Variants in NF1 observed in about 807,000 individuals in gnomAD.
NF1 encodes neurofibromin 1.
NF1 carries 122 observed loss-of-function variants against 325.7 expected under a neutral mutation model. The ratio of observed to expected loss-of-function variants is 0.37; its 90% CI spans 0.32 to 0.44. The LOEUF (loss-of-function observed/expected upper bound fraction) is 0.44. NF1 is among the 20% of genes least tolerant of loss of function. The probability of loss-of-function intolerance (pLI) is 1.00; values close to 1 mark genes in which losing one functional copy is unlikely to be tolerated. For synonymous variants in NF1, 1,091 were observed against 1,186.0 expected, an observed-to-expected ratio of 0.92 and a Z score of 1.65; for missense variants, 2,140 against 3,415.4, an observed-to-expected ratio of 0.63 and a Z score of 9.31.
intron 36 of NF1, among the ~76,000 whole-genome samples, chr17:31,313,719 A>AAT (rs1170447460): frequency 1.9e-5 from 2 of 103,244 alleles, no homozygotes; most frequent in African/African-American, 3.9e-5. Context: ...AAAAAAAAAA[A>AAT]ATATGTGTGT....
chr17:31,244,679 G>A (rs2067360485), intron 29 of NF1, among the ~76,000 whole-genome samples: 1 of 152,188 alleles, frequency 6.6e-6, no homozygotes, highest in Non-Finnish European at 1.5e-5. Context: ...CGGGGCCACT[G>A]CCAGGAGGTG....
chr17:31,205,349 T>C (rs1175684694), intron 11 of NF1, among the ~76,000 whole-genome samples: 2 of 152,096 alleles, frequency 1.3e-5, no homozygotes, highest in African/African-American at 4.8e-5. Flanking sequence ...ACATCTGGAG[T>C]ATTATAAATT....
intron 36 of NF1, among the ~76,000 whole-genome samples, chr17:31,290,093 G>A (rs1020206556): frequency 6.6e-5 from 10 of 151,750 alleles, no homozygotes; most frequent in Middle Eastern, 6.8e-3. Flanking sequence ...TTTCTCATCC[G>A]TTTTATGAGC....
intron 36 of NF1, among the ~76,000 whole-genome samples, chr17:31,302,539 G>A (rs1027166958): frequency 1.4e-4 from 22 of 152,084 alleles, no homozygotes; most frequent in African/African-American, 5.3e-4. Context: ...GGGGAAATTA[G>A]CTTTAAAAGT....
intron 36 of NF1, among the ~76,000 whole-genome samples, chr17:31,310,351 A>G (rs1172659432): frequency 6.6e-6 from 1 of 151,974 alleles, no homozygotes; most frequent in African/African-American, 2.4e-5. Context: ...AAGTTAATAA[A>G]CAGGTGAAAA....
rs2151544473 is a variant in NF1 at position 31,330,327 on chromosome 17, A to C, written c.5641A>C (p.Thr1881Pro). The C allele has an allele frequency of 6.2e-7, 1 of 1,614,068 alleles. No individual in the cohort carries two copies. Among genetic ancestry groups the C allele is most frequent in the Non-Finnish European group, 8.5e-7 (1 of 1,179,964 alleles). ...TGCCTATAATCTTCTGTGTGCCTTA[A>C]CTTGTACCTTTAATTTAAAAATCGA... ...SAAYNLLCAL[T>P]CTFNLKIEGQ... is the part of the protein sequence containing the mutation. The change falls in exon 39 of 58, where the codon ACT (threonine) becomes CCT (proline). Residue 1881 changes from threonine (T) to proline (P), a missense_variant. Around this residue, in one of 10 missense-constraint regions of NF1, gnomAD observed 180 missense variants for 435.1 expected, o/e 0.41. Transcript: ENST00000358273.
At chr17:31,339,786 A>G (rs2069771006) in intron 46 of NF1, among the ~76,000 whole-genome samples, 1 of 152,230 alleles carries the variant, frequency 6.6e-6, no homozygotes, top group African/African-American at 2.4e-5. Flanking sequence ...CAGAGCAGCA[A>G]GAGATTACCA....
At chr17:31,155,831 T>G in intron 1 of NF1, 152 bp from the exon 2 acceptor site, 2 of 775,024 alleles carry the variant, frequency 2.6e-6, no homozygotes, top group Non-Finnish European at 4.2e-6. Flanking sequence ...ATATTGGAGG[T>G]TGATTGAAAA....
At chr17:31,268,394 T>C (rs1158746570) in intron 36 of NF1, among the ~76,000 whole-genome samples, 1 of 151,972 alleles carries the variant, frequency 6.6e-6, no homozygotes, top group Non-Finnish European at 1.5e-5. Flanking sequence ...TTTGGGAGGC[T>C]GAGGCGGGCA....
chr17:31,131,084 G>T (rs1296490500), intron 1 of NF1, among the ~76,000 whole-genome samples: 2 of 152,210 alleles, frequency 1.3e-5, no homozygotes, highest in Admixed American at 6.5e-5. Context: ...GGGCAAGACT[G>T]CCCTGCAGAG....
intron 16 of NF1, 102 bp from the exon 17 acceptor site, chr17:31,224,993 G>T: frequency 7.9e-7 from 1 of 1,264,436 alleles, no homozygotes; most frequent in African/African-American, 1.5e-5. Flanking sequence ...TGAGAGGAGA[G>T]GTTTTTTAGG....
At chr17:31,198,206 G>C (rs1597678036) in intron 8 of NF1, among the ~76,000 whole-genome samples, 1 of 152,134 alleles carries the variant, frequency 6.6e-6, no homozygotes, top group African/African-American at 2.4e-5. Context: ...TTTTTCATCA[G>C]TATTCCTAGG....
At chr17:31,099,584 A>T (rs1210582106) in intron 1 of NF1, among the ~76,000 whole-genome samples, 11 of 139,886 alleles carry the variant, frequency 7.9e-5, no homozygotes, top group Non-Finnish European at 1.5e-4. Context: ...TTTGAGACAG[A>T]GTTTCGCTCT....
rs533226525 is a variant in NF1 at position 31,224,557 on chromosome 17, T to C, written c.1846-538T>C. On this transcript the variant is annotated intron_variant, in intron 16 of 57. Coordinates refer to ENST00000358273, the MANE Select transcript of NF1 (RefSeq NM_001042492.3). ...CAGAAAGAGATTAGACTTCAGACTT[T>C]CATGGCCTCGCCTATGGTATAATCT... Among the ~76,000 whole-genome samples the C allele has an allele frequency of 9.8e-5, 15 of 152,302 alleles. No homozygotes were observed. In the East Asian group the frequency reaches 2.9e-3, roughly 29 times the overall value.
At chr17:31,217,252 G>GA (rs1207035319) in intron 13 of NF1, among the ~76,000 whole-genome samples, 2 of 151,938 alleles carry the variant, frequency 1.3e-5, no homozygotes, top group African/African-American at 4.8e-5. Flanking sequence ...TTATAATGGG[G>GA]AAAAATCTAT....
chr17:31,175,071 G>T (rs1477796224), intron 5 of NF1, among the ~76,000 whole-genome samples: 1 of 117,614 alleles, frequency 8.5e-6, no homozygotes, highest in African/African-American at 3.2e-5. Context: ...TTGTGCCATT[G>T]CACTCCAGCC....
At chr17:31,304,243 T>C in intron 36 of NF1, 1 of 1,558,348 alleles carries the variant, frequency 6.4e-7, no homozygotes. Flanking sequence ...GAAGATCAGC[T>C]AAAAAGCAAG....
intron 1 of NF1, among the ~76,000 whole-genome samples, chr17:31,107,558 C>T (rs530280587): frequency 6.3e-4 from 96 of 151,774 alleles, no homozygotes; most frequent in Non-Finnish European, 1.1e-3. Context: ...AGCCACCGTG[C>T]CCAACCGAGA....
intron 36 of NF1, among the ~76,000 whole-genome samples, chr17:31,312,326 A>C (rs1362535245): frequency 1.3e-5 from 2 of 152,078 alleles, no homozygotes; most frequent in Non-Finnish European, 2.9e-5. Flanking sequence ...CCTGACCAAC[A>C]TGGTGAAACC....
Sources: allele counts gnomAD v4.1 joint callset (sites outside exome capture counted in the v4.1 genomes callset), GRCh38; gene constraint gnomAD v4.1.1; regional missense constraint gnomAD v4.1.1; transcripts MANE v1.5; gene names NCBI Gene and HGNC (gene_info 2026-07-23, HGNC 2026-07-21).